Variants in CRHR2 observed in about 807,000 individuals in gnomAD.
The protein encoded by CRHR2 is corticotropin releasing hormone receptor 2.
Under a neutral mutation model 57.9 loss-of-function variants are expected in CRHR2, and 53 were observed. The ratio of observed to expected loss-of-function variants is 0.92; its 90% CI spans 0.73 to 1.15. The LOEUF (loss-of-function observed/expected upper bound fraction) is 1.15. Among genes scored for constraint, CRHR2 ranks in the 50% most tolerant of loss-of-function variants. CRHR2 has a pLI of 0.00. For missense variants in CRHR2, 532 were observed against 542.6 expected, an observed-to-expected ratio of 0.98 and a Z score of 0.19; for synonymous variants, 213 against 220.9, an observed-to-expected ratio of 0.96 and a Z score of 0.32.
At chr7:30,680,691 C>G (rs555120363) in intron 2 of CRHR2, among the ~76,000 whole-genome samples, 2 of 152,144 alleles carry the variant, frequency 1.3e-5, no homozygotes, top group Non-Finnish European at 2.9e-5. Context: ...GCATGTGCTC[C>G]CTGGGCCCAC....
intron 9 of CRHR2, 38 bp from the exon 10 acceptor site, chr7:30,655,753 G>T: frequency 6.2e-7 from 1 of 1,603,892 alleles, no homozygotes; most frequent in Non-Finnish European, 8.5e-7. Context: ...GAGCCCATGC[G>T]GCAGGCAGGG....
At chr7:30,654,163 G>A (rs1014520936) in intron 11 of CRHR2, among the ~76,000 whole-genome samples, 1 of 152,226 alleles carries the variant, frequency 6.6e-6, no homozygotes, top group Admixed American at 6.5e-5. Context: ...TCTACCCGGT[G>A]CCATTTAAGC....
rs1389946290 is a variant in CRHR2 at position 30,656,393 on chromosome 7, G to A, written c.832-381C>T. Among the ~76,000 whole-genome samples, 3 of 152,198 alleles carry A rather than the reference G, an allele frequency of 2.0e-5. No homozygotes were observed. Among genetic ancestry groups the A allele is most frequent in the African/African-American group, 4.8e-5 (2 of 41,446 alleles). On this transcript the variant is annotated intron_variant, in intron 8 of 11. Transcript: ENST00000471646. The surrounding 1 kb of genome is among the most constrained non-coding windows in gnomAD (Gnocchi z 4.4). ...CACGGGGTCCCTACTTGTTGACTGC[G>A]GGGCTCTCTGAGTCCCTTGCACTGT... is the stretch of plus-strand genomic sequence containing the variant.
Position 30,662,406 on chromosome 7 carries a change from C to T in CRHR2, c.698-190G>A, listed in dbSNP as rs868058086. Among the ~76,000 whole-genome samples the T allele has an allele frequency of 7.2e-5, 11 of 152,172 alleles. No homozygotes were observed. In the South Asian group the frequency reaches 8.3e-4, roughly 11 times the overall value. ...CCCCTGCCCCTCTCTCCAAGCAGGG[C>T]TGCGTGATTTTGTGATAGAGAAGTA... On this transcript the variant is annotated intron_variant, in intron 6 of 11. Transcript: ENST00000471646.
chr7:30,666,152 G>C (rs1784177912), intron 3 of CRHR2, among the ~76,000 whole-genome samples: 1 of 152,108 alleles, frequency 6.6e-6, no homozygotes, highest in South Asian at 2.1e-4. Context: ...GAGTGACTGA[G>C]GGTGAGTCGA....
At chr7:30,692,751 C>T (rs1033661573) in intron 1 of CRHR2, among the ~76,000 whole-genome samples, 13 of 152,190 alleles carry the variant, frequency 8.5e-5, no homozygotes, top group African/African-American at 2.2e-4. Context: ...CAGAAGACAG[C>T]GGATTGAATC....
intron 2 of CRHR2, among the ~76,000 whole-genome samples, chr7:30,677,272 A>G (rs1352461517): frequency 1.3e-5 from 2 of 152,194 alleles, no homozygotes; most frequent in African/African-American, 4.8e-5. Flanking sequence ...AGAACCACAC[A>G]TAGAGAAAAT....
At chr7:30,696,943 TA>T (rs895037091) in intron 1 of CRHR2, among the ~76,000 whole-genome samples, 9 of 149,478 alleles carry the variant, frequency 6.0e-5, no homozygotes, top group Admixed American at 6.7e-5. Flanking sequence ...CAGACAGATT[TA>T]AAAAAAAAAT....
At chr7:30,677,898 C>G (rs1393454713) in intron 2 of CRHR2, among the ~76,000 whole-genome samples, 1 of 152,194 alleles carries the variant, frequency 6.6e-6, no homozygotes, top group African/African-American at 2.4e-5. Context: ...GGCAAGATCC[C>G]AACTCTACAA....
At chr7:30,655,168 G>A (rs959288008) in intron 10 of CRHR2, 88 bp from the exon 11 acceptor site, 1 of 1,410,430 alleles carries the variant, frequency 7.1e-7, no homozygotes, top group Admixed American at 2.0e-5. Flanking sequence ...CAAGATGGTG[G>A]GGGGGGGACA....
At chr7:30,662,566 G>T in intron 6 of CRHR2, 128 bp downstream of exon 6, 1 of 1,119,120 alleles carries the variant, frequency 8.9e-7, no homozygotes, top group Non-Finnish European at 1.3e-6. Flanking sequence ...GGAAGTAGCT[G>T]CATCCACCGG....
At chr7:30,661,029 T>G (rs1373182537) in intron 7 of CRHR2, among the ~76,000 whole-genome samples, 3 of 152,226 alleles carry the variant, frequency 2.0e-5, no homozygotes, top group African/African-American at 4.8e-5. Context: ...CCATATTGCT[T>G]GAAACCCGCT....
upstream of CRHR2, among the ~76,000 whole-genome samples, chr7:30,685,475 T>G (rs1180812400): frequency 1.3e-5 from 2 of 152,206 alleles, no homozygotes; most frequent in Non-Finnish European, 2.9e-5. Context: ...TCGTGGTGTT[T>G]CCTGGGAATT....
chr7:30,685,677 G>C (rs1337366573), upstream of CRHR2, among the ~76,000 whole-genome samples: 5 of 152,278 alleles, frequency 3.3e-5, no homozygotes, highest in African/African-American at 1.2e-4. Context: ...GGACAGAAAG[G>C]ACTCTCAGTG....
intron 1 of CRHR2, among the ~76,000 whole-genome samples, chr7:30,696,379 C>T (rs1450197536): frequency 1.3e-5 from 2 of 152,160 alleles, no homozygotes; most frequent in Non-Finnish European, 2.9e-5. Flanking sequence ...CAAAATATCT[C>T]ATGTATCCCA....
rs903620780 is a variant in CRHR2 at position 30,656,974 on chromosome 7, T to C, written c.832-962A>G. 9.2e-5 allele frequency among the ~76,000 whole-genome samples: 14 copies of C among 151,888 alleles called. No homozygotes were observed. Among genetic ancestry groups the C allele is most frequent in the African/African-American group, 3.1e-4 (13 of 41,382 alleles). Reference sequence around the variant, plus strand: ...ATAGGCAGGCAGGCAGGCAAGGGAGTGTGTGTCGGCCTGACACAGTGGGGC... The same window carrying C: ...ATAGGCAGGCAGGCAGGCAAGGGAGCGTGTGTCGGCCTGACACAGTGGGGC... On this transcript the variant is annotated intron_variant, in intron 8 of 11. Transcript: ENST00000471646. The surrounding 1 kb of genome is among the most constrained non-coding windows in gnomAD (Gnocchi z 4.4).
intron 2 of CRHR2, among the ~76,000 whole-genome samples, chr7:30,688,104 T>C (rs1427877585): frequency 3.3e-5 from 5 of 152,160 alleles, no homozygotes; most frequent in Non-Finnish European, 5.9e-5. Context: ...GTGATTAAAG[T>C]AAAGTAAGGT....
chr7:30,679,628 C>T (rs991414909), intron 2 of CRHR2, among the ~76,000 whole-genome samples: 2 of 152,088 alleles, frequency 1.3e-5, no homozygotes, highest in African/African-American at 4.8e-5. Context: ...TTCCTGCTCT[C>T]TAAGGAATGA....
intron 2 of CRHR2, chr7:30,689,091 C>A (rs1041748492): frequency 1.7e-5 from 18 of 1,083,832 alleles, no homozygotes; most frequent in Middle Eastern, 2.4e-4. Flanking sequence ...CCACCCACCA[C>A]CCTGCTGAGC....
Sources: allele counts gnomAD v4.1 joint callset (sites outside exome capture counted in the v4.1 genomes callset), GRCh38; gene constraint gnomAD v4.1.1; non-coding constraint Gnocchi (gnomAD v3.1); transcripts MANE v1.5; gene names NCBI Gene and HGNC (gene_info 2026-07-23, HGNC 2026-07-21).